The following LUZP2 variants were observed in gnomAD, a reference collection of about 807,000 sequenced individuals.
The protein encoded by LUZP2 is leucine zipper protein 2.
LUZP2 carries 52 observed loss-of-function variants against 51.6 expected under a neutral mutation model. The observed-to-expected ratio is 1.01, with a 90% confidence interval of 0.81 to 1.27. The LOEUF (loss-of-function observed/expected upper bound fraction) is 1.27. Among genes scored for constraint, LUZP2 ranks in the 50% most tolerant of loss-of-function variants. The probability of loss-of-function intolerance (pLI) is 0.00; values close to 1 mark genes in which losing one functional copy is unlikely to be tolerated. For synonymous variants in LUZP2, 154 were observed against 137.3 expected (o/e 1.12, Z -0.85); for missense variants, 436 against 395.4 (o/e 1.10, Z -0.87).
chr11:24,953,107 A>G (rs1855121798), intron 7 of LUZP2, among the ~76,000 whole-genome samples: 2 of 152,096 alleles, frequency 1.3e-5, no homozygotes, highest in South Asian at 4.1e-4. Flanking sequence ...AAGAAAAAAT[A>G]CACATTTAGA....
rs1856088118 is a variant in LUZP2, at chr11:24,983,154, CTG to C, written c.629_630del (p.Val210AlafsTer10). 1 of 1,611,848 alleles carries C rather than the reference CTG, an allele frequency of 6.2e-7. No homozygotes were observed. Among genetic ancestry groups the C allele is most frequent in the Non-Finnish European group, 8.5e-7 (1 of 1,178,648 alleles). On this transcript the variant is annotated frameshift_variant, in exon 9 of 12. Transcript: ENST00000336930. LOFTEE classifies it high-confidence loss of function. ...TCACAGATGAAAGCAATGAAAGAGA[CTG>C]TGCAGCTCTGCTTGACATCTGTTTT...
At chr11:24,503,042 G>A (rs991544529) in intron 1 of LUZP2, among the ~76,000 whole-genome samples, 2 of 151,794 alleles carry the variant, frequency 1.3e-5, no homozygotes, top group Non-Finnish European at 2.9e-5. Flanking sequence ...TTTTTACTAC[G>A]GAGAACAAAT....
chr11:24,916,993 C>G (rs1853810277), intron 7 of LUZP2, among the ~76,000 whole-genome samples: 1 of 152,128 alleles, frequency 6.6e-6, no homozygotes, highest in African/African-American at 2.4e-5. Context: ...TCTCCAGCAC[C>G]TGTTGTTTCC....
intron 1 of LUZP2, among the ~76,000 whole-genome samples, chr11:24,607,675 T>C (rs1475190035): frequency 6.6e-6 from 1 of 152,064 alleles, no homozygotes; most frequent in Admixed American, 6.6e-5. Flanking sequence ...GTGTGAAAAA[T>C]ACTGTTGGAG....
At chr11:24,623,374 T>A (rs1031177936) in intron 1 of LUZP2, among the ~76,000 whole-genome samples, 1 of 152,216 alleles carries the variant, frequency 6.6e-6, no homozygotes, top group African/African-American at 2.4e-5. Flanking sequence ...AGTAAAAGTA[T>A]GTTATCTCTT....
intron 1 of LUZP2, among the ~76,000 whole-genome samples, chr11:24,586,632 G>A (rs1853076777): frequency 6.6e-6 from 1 of 151,926 alleles, no homozygotes; most frequent in Non-Finnish European, 1.5e-5. Flanking sequence ...AAATACAAGT[G>A]ACCTTGTTTT....
In LUZP2 at chr11:24,906,483, A is replaced by C. The variant is rs186546158; in HGVS notation, c.459+430A>C. Among the ~76,000 whole-genome samples, 6 of 151,998 alleles carry C rather than the reference A, an allele frequency of 3.9e-5. No individual in the cohort carries two copies. The East Asian group carries it at 1.2e-3, about 29-fold the overall frequency. ...TCCATAAACCATACAAAATCAATACACTCATTGGTTCTATTTGCTGTGTAG... is the reference window on the plus strand; with the variant it reads ...TCCATAAACCATACAAAATCAATACCCTCATTGGTTCTATTTGCTGTGTAG... On this transcript the variant is annotated intron_variant, in intron 6 of 11. Coordinates refer to ENST00000336930, the MANE Select transcript of LUZP2 (RefSeq NM_001009909.4).
intron 7 of LUZP2, among the ~76,000 whole-genome samples, chr11:24,923,037 A>G (rs1050834697): frequency 7.9e-5 from 12 of 151,278 alleles, no homozygotes; most frequent in Non-Finnish European, 1.8e-4. Context: ...TTTGGTAGAG[A>G]CAGGGTTTCA....
intron 7 of LUZP2, among the ~76,000 whole-genome samples, chr11:24,923,471 G>T (rs1051384911): frequency 6.6e-6 from 1 of 151,764 alleles, no homozygotes; most frequent in Non-Finnish European, 1.5e-5. Flanking sequence ...CCGAGGTGGG[G>T]GTATCACCTG....
intron 1 of LUZP2, among the ~76,000 whole-genome samples, chr11:24,571,750 A>T (rs1852449317): frequency 1.3e-5 from 2 of 152,040 alleles, no homozygotes; most frequent in Non-Finnish European, 2.9e-5. Flanking sequence ...TTCTCTTTTT[A>T]ATTTCTTGAG....
chr11:25,054,209 T>C (rs1044307860), intron 10 of LUZP2, among the ~76,000 whole-genome samples: 14 of 152,278 alleles, frequency 9.2e-5, no homozygotes, highest in African/African-American at 3.4e-4. Context: ...TTATTGATTA[T>C]CAGTCTGTTC....
At chr11:24,749,587 G>A (rs2134006029) in intron 4 of LUZP2, among the ~76,000 whole-genome samples, 1 of 152,142 alleles carries the variant, frequency 6.6e-6, no homozygotes, top group Non-Finnish European at 1.5e-5. Flanking sequence ...GGCAGAAGAA[G>A]GTAGGATAAG....
intron 7 of LUZP2, among the ~76,000 whole-genome samples, chr11:24,948,215 A>T (rs770720479): frequency 1.3e-4 from 20 of 150,250 alleles, no homozygotes; most frequent in Non-Finnish European, 2.5e-4. Flanking sequence ...ATCATGAGTG[A>T]TTTTTTTTCA....
At chr11:24,743,780 G>A (rs369972305) in intron 4 of LUZP2, among the ~76,000 whole-genome samples, 22 of 152,138 alleles carry the variant, frequency 1.4e-4, no homozygotes, top group African/African-American at 5.1e-4. Flanking sequence ...GTTCTCAGAG[G>A]GAATGCTTTC....
Position 24,533,670 on chromosome 11 carries a change from G to A in LUZP2, c.62+36365G>A, listed in dbSNP as rs189494043. On this transcript the variant is annotated intron_variant, in intron 1 of 11. Transcript: ENST00000336930. ...TTTTCCCTCCTTTATTCTCTTAGGG[G>A]CCTTTCAAGAATCTCTTTTAATACT... Among the ~76,000 whole-genome samples the A allele has an allele frequency of 2.1e-4, 31 of 151,086 alleles. No individual in the cohort carries two copies. In the East Asian group the frequency reaches 5.3e-3, roughly 26 times the overall value.
chr11:24,991,911 G>A (rs1327808835), intron 9 of LUZP2, among the ~76,000 whole-genome samples: 3 of 151,916 alleles, frequency 2.0e-5, no homozygotes, highest in Admixed American at 1.3e-4. Context: ...TTTTTGATGG[G>A]ATTCTTTGTT....
At chr11:24,889,335 A>C (rs1415532457) in intron 5 of LUZP2, among the ~76,000 whole-genome samples, 2 of 152,176 alleles carry the variant, frequency 1.3e-5, no homozygotes, top group Non-Finnish European at 2.9e-5. Context: ...TACTAGTACT[A>C]AGACAAGGCT....
chr11:24,580,546 T>C (rs1415453107), intron 1 of LUZP2, among the ~76,000 whole-genome samples: 1 of 152,140 alleles, frequency 6.6e-6, no homozygotes, highest in Non-Finnish European at 1.5e-5. Context: ...TGTTAATCAC[T>C]TTGCAATTAA....
intron 9 of LUZP2, among the ~76,000 whole-genome samples, chr11:25,003,352 G>T (rs1354689245): frequency 6.6e-6 from 1 of 152,206 alleles, no homozygotes; most frequent in African/African-American, 2.4e-5. Flanking sequence ...AAGGCAAAGA[G>T]AAACTGGGGA....
Sources: allele counts gnomAD v4.1 joint callset (sites outside exome capture counted in the v4.1 genomes callset), GRCh38; gene constraint gnomAD v4.1.1; transcripts MANE v1.5; gene names NCBI Gene and HGNC (gene_info 2026-07-23, HGNC 2026-07-21).